RALYL: variants seen among roughly 807,000 people sequenced by gnomAD.
The protein encoded by RALYL is RALY RNA binding protein like, also known as RNA-binding Raly-like protein.
A neutral mutation model predicts 35.1 loss-of-function variants in RALYL; 29 were observed. The observed-to-expected ratio is 0.83, with a 90% confidence interval of 0.61 to 1.13. RALYL has a LOEUF of 1.13. Among genes scored for constraint, RALYL ranks in the 50% most tolerant of loss-of-function variants. RALYL has a pLI of 0.00. For missense variants in RALYL, 359 were observed against 360.4 expected, an observed-to-expected ratio of 1.00 and a Z score of 0.03; for synonymous variants, 120 against 127.6, an observed-to-expected ratio of 0.94 and a Z score of 0.40.
rs375857648 is a variant in RALYL at position 84,410,440 on chromosome 8, T to C, written c.-23-118859T>C. On this transcript the variant is annotated intron_variant, in intron 1 of 8. Coordinates refer to ENST00000521268, the MANE Select transcript of RALYL (RefSeq NM_173848.7). ...AATTAATATAAAACAATTATCAGAG[T>C]GTATCTGTCATGTATTAGACATAAT... Among the ~76,000 whole-genome samples, 229 of 151,996 alleles carry C rather than the reference T, an allele frequency of 1.5e-3. 2 individuals are homozygous for C. The highest frequency in any genetic ancestry group is 4.5e-3 in the African/African-American group (186 of 41,550).
intron 5 of RALYL, among the ~76,000 whole-genome samples, chr8:84,851,816 T>C (rs1835911037): frequency 6.6e-6 from 1 of 152,186 alleles, no homozygotes; most frequent in South Asian, 2.1e-4. Context: ...ACAGATTAAA[T>C]TAGGTTCCTC....
chr8:84,367,354 T>A (rs1315600024), intron 1 of RALYL, among the ~76,000 whole-genome samples: 1 of 95,040 alleles, frequency 1.1e-5, no homozygotes, highest in Non-Finnish European at 2.0e-5. Flanking sequence ...TTTTTTTTTT[T>A]TTTTTTTTTT....
chr8:84,714,428 A>G (rs1470249390), intron 2 of RALYL, among the ~76,000 whole-genome samples: 5 of 151,828 alleles, frequency 3.3e-5, no homozygotes, highest in African/African-American at 1.2e-4. Context: ...AGACATGGTA[A>G]TGGATATGTT....
At chr8:84,681,878 T>G (rs1835603884) in intron 2 of RALYL, among the ~76,000 whole-genome samples, 1 of 152,202 alleles carries the variant, frequency 6.6e-6, no homozygotes, top group African/African-American at 2.4e-5. Flanking sequence ...AACACTATGT[T>G]GAATCGGAGT....
At chr8:84,414,258 C>T (rs1041410958) in intron 1 of RALYL, among the ~76,000 whole-genome samples, 3 of 152,160 alleles carry the variant, frequency 2.0e-5, no homozygotes, top group South Asian at 2.1e-4. Context: ...AGAAAATTAA[C>T]AATACTTTGC....
Position 84,617,499 on chromosome 8 carries a change from C to T in RALYL, c.256+87922C>T, listed in dbSNP as rs1327775918. On this transcript the variant is annotated intron_variant, in intron 2 of 8. Transcript: ENST00000521268. ...AGCTTAAGGAGATTTTGGGCTGAGACAATGGGGTTTTCTAGGTATACAATC... is the reference window on the plus strand; with the variant it reads ...AGCTTAAGGAGATTTTGGGCTGAGATAATGGGGTTTTCTAGGTATACAATC... Among the ~76,000 whole-genome samples the T allele has an allele frequency of 5.3e-5, 8 of 150,336 alleles. No individual in the cohort carries two copies. In the South Asian group the frequency reaches 1.3e-3, roughly 24 times the overall value.
intron 2 of RALYL, among the ~76,000 whole-genome samples, chr8:84,548,366 C>G (rs1322032669): frequency 6.6e-6 from 1 of 152,090 alleles, no homozygotes; most frequent in Non-Finnish European, 1.5e-5. Context: ...CCACTCATGT[C>G]ATTGTAGGGA....
At chr8:84,261,615 A>G (rs555639135) in intron 1 of RALYL, among the ~76,000 whole-genome samples, 11 of 152,284 alleles carry the variant, frequency 7.2e-5, no homozygotes, top group African/African-American at 2.6e-4. Context: ...GAATGGACTG[A>G]TATAAATATT....
chr8:84,653,396 A>G, intron 2 of RALYL, among the ~76,000 whole-genome samples: 1 of 152,010 alleles, frequency 6.6e-6, no homozygotes, highest in South Asian at 2.1e-4. Flanking sequence ...ACACACACAC[A>G]TTCTGGACCT....
chr8:84,605,604 C>G (rs1181761780), intron 2 of RALYL, among the ~76,000 whole-genome samples: 1 of 152,116 alleles, frequency 6.6e-6, no homozygotes, highest in African/African-American at 2.4e-5. Context: ...CAGATAGGTT[C>G]TATGCCCACA....
At chr8:84,695,552 A>T (rs988316390) in intron 2 of RALYL, among the ~76,000 whole-genome samples, 2 of 151,824 alleles carry the variant, frequency 1.3e-5, no homozygotes, top group Non-Finnish European at 2.9e-5. Context: ...AAACCTTATG[A>T]ATCACATATC....
chr8:84,718,774 G>C (rs901958641), intron 2 of RALYL, among the ~76,000 whole-genome samples: 1 of 151,428 alleles, frequency 6.6e-6, no homozygotes, highest in Admixed American at 6.6e-5. Context: ...AAAAAAAAAA[G>C]AAAAAGAAAG....
At position 84,241,504 on chromosome 8, in the gene RALYL, G is replaced by A. The variant is rs868535337; in HGVS notation, c.-24+57080G>A. 1.8e-4 allele frequency among the ~76,000 whole-genome samples: 28 copies of A among 152,146 alleles called. 1 individual carries two copies. The Middle Eastern group carries it at 0.014, about 74-fold the overall frequency. On this transcript the variant is annotated intron_variant, in intron 1 of 8. Coordinates refer to ENST00000521268, the MANE Select transcript of RALYL (RefSeq NM_173848.7). ...CTAAAATCTGTATGGAGGGCCTGGC[G>A]CGGTGGCTCATGCCTGTAATCCCAG...
chr8:84,834,501 G>T (rs1399700216), intron 4 of RALYL, among the ~76,000 whole-genome samples: 1 of 152,188 alleles, frequency 6.6e-6, no homozygotes, highest in Admixed American at 6.5e-5. Context: ...CTGATAAGCT[G>T]CTGGTAGCTG....
chr8:84,888,375 C>T (rs1843253158), intron 8 of RALYL, among the ~76,000 whole-genome samples: 1 of 152,150 alleles, frequency 6.6e-6, no homozygotes, highest in Non-Finnish European at 1.5e-5. Flanking sequence ...TTCCAGATGT[C>T]CTTTCCTGCA....
At chr8:84,838,938 TAA>T (rs1327696482) in intron 4 of RALYL, among the ~76,000 whole-genome samples, 2 of 152,128 alleles carry the variant, frequency 1.3e-5, no homozygotes, top group Admixed American at 1.3e-4. Context: ...GATTACAGCA[TAA>T]AAAAGAGTCT....
intron 2 of RALYL, among the ~76,000 whole-genome samples, chr8:84,773,771 G>C (rs201297831): frequency 1.4e-4 from 21 of 152,070 alleles, no homozygotes; most frequent in Non-Finnish European, 4.4e-5. Context: ...AATCCTTCTA[G>C]CTTCCTTTTC....
chr8:84,287,461 A>C (rs1837870163), intron 1 of RALYL, among the ~76,000 whole-genome samples: 1 of 152,040 alleles, frequency 6.6e-6, no homozygotes, highest in African/African-American at 2.4e-5. Context: ...TGAAATCCTC[A>C]AGGAAGGAGG....
chr8:84,657,226 T>C (rs1588813232), intron 2 of RALYL, among the ~76,000 whole-genome samples: 1 of 152,222 alleles, frequency 6.6e-6, no homozygotes. Context: ...CTCCATCTCC[T>C]GTACCGTTTA....
Sources: allele counts gnomAD v4.1 joint callset (sites outside exome capture counted in the v4.1 genomes callset), GRCh38; gene constraint gnomAD v4.1.1; transcripts MANE v1.5; gene names NCBI Gene and HGNC (gene_info 2026-07-23, HGNC 2026-07-21).